The following AHR variants were observed in gnomAD, a reference collection of about 807,000 sequenced individuals.
The protein encoded by AHR is aryl hydrocarbon receptor.
In AHR, 40 loss-of-function variants were observed where a neutral mutation model predicts 86.8. That is an observed-to-expected ratio of 0.46 (90% CI 0.36 to 0.60). The LOEUF (loss-of-function observed/expected upper bound fraction) is 0.60, where lower values mean the gene tolerates loss of function less well. Among genes scored for constraint, AHR ranks in the 20% least tolerant of loss-of-function variants. AHR has a pLI of 0.00. For missense variants in AHR, 1,001 were observed against 1,011.6 expected (o/e 0.99, Z 0.14); for synonymous variants, 398 against 354.9 (o/e 1.12, Z -1.37).
At chr7:17,322,143 A>G (rs1442731096) in intron 2 of AHR, among the ~76,000 whole-genome samples, 1 of 152,032 alleles carries the variant, frequency 6.6e-6, no homozygotes, top group African/African-American at 2.4e-5. Flanking sequence ...TTAGTCTCCT[A>G]AGAAAGGAGG....
chr7:17,302,483 G>A (rs1468289319), intron 1 of AHR, among the ~76,000 whole-genome samples: 2 of 151,686 alleles, frequency 1.3e-5, no homozygotes. Context: ...TTTTAAAATA[G>A]CATCTAAAAT....
At chr7:17,307,951 AC>A (rs1453782279) in intron 1 of AHR, among the ~76,000 whole-genome samples, 2 of 152,098 alleles carry the variant, frequency 1.3e-5, no homozygotes. Context: ...CTGAAACATC[AC>A]ATCAGAGAGA....
intron 1 of AHR, among the ~76,000 whole-genome samples, chr7:17,306,227 G>A (rs781606863): frequency 7.2e-5 from 11 of 151,992 alleles, no homozygotes; most frequent in Non-Finnish European, 1.5e-4. Flanking sequence ...AAATATTAGC[G>A]TAATCCAAGT....
At position 17,314,805 on chromosome 7, in the gene AHR, A is replaced by T. The variant is rs186919173; in HGVS notation, c.253+4682A>T. On this transcript the variant is annotated intron_variant, in intron 2 of 10. Coordinates refer to ENST00000242057, the MANE Select transcript of AHR (RefSeq NM_001621.5). Reference sequence around the variant, plus strand: ...TCTATAATTTCATCTGCTTTGTTGTAATTTTAAAATTTCTGTGTGTCAAGT... The same window carrying T: ...TCTATAATTTCATCTGCTTTGTTGTTATTTTAAAATTTCTGTGTGTCAAGT... Among the ~76,000 whole-genome samples the T allele has an allele frequency of 5.9e-5, 9 of 152,124 alleles. No homozygotes were observed. The East Asian group carries it at 9.7e-4, about 16-fold the overall frequency.
intron 2 of AHR, among the ~76,000 whole-genome samples, chr7:17,313,053 G>T (rs1455865346): frequency 2.0e-5 from 3 of 152,094 alleles, no homozygotes; most frequent in Non-Finnish European, 4.4e-5. Flanking sequence ...TGTTATAGTG[G>T]TGTACATTCA....
intron 4 of AHR, 146 bp downstream of exon 4, chr7:17,327,994 A>G (rs1320559194): frequency 7.6e-6 from 2 of 263,132 alleles, no homozygotes; most frequent in Non-Finnish European, 1.4e-5. Context: ...ATTTTTTCTA[A>G]TATTAATAAT....
intron 9 of AHR, among the ~76,000 whole-genome samples, chr7:17,338,752 C>T (rs1782383346): frequency 6.6e-6 from 1 of 151,698 alleles, no homozygotes; most frequent in African/African-American, 2.4e-5. Context: ...AGGGATGTAA[C>T]CTGACCATGG....
chr7:17,301,356 T>A (rs138092550), intron 1 of AHR, among the ~76,000 whole-genome samples: 1 of 152,182 alleles, frequency 6.6e-6, no homozygotes, highest in East Asian at 1.9e-4. Context: ...AGTATTAAAT[T>A]TGAGTTTTAA....
At chr7:17,317,259 A>G (rs1326422508) in intron 2 of AHR, among the ~76,000 whole-genome samples, 1 of 151,576 alleles carries the variant, frequency 6.6e-6, no homozygotes, top group Non-Finnish European at 1.5e-5. Flanking sequence ...CCCTTTTGAT[A>G]TAATACATAA....
rs943891182 is a variant in AHR at position 17,343,256 on chromosome 7, C to G, written c.*192C>G. 3.1e-6 allele frequency: 2 copies of G among 648,460 alleles called. No individual in the cohort carries two copies. The highest frequency in any genetic ancestry group is 5.3e-6 in the Non-Finnish European group (2 of 379,322). The allele number at this position is 648,460 out of a possible 1,614,324, so 40.2% of individuals were successfully genotyped here. A position where few individuals can be genotyped will look rare whatever the true frequency, so the allele number is the denominator to read the frequency against. ...GAGTTTAAAAATGGTATCAAAATTA[C>G]ATATACTACAGTCAAGATAGAAAGG... On this transcript the variant is annotated 3_prime_UTR_variant, in exon 11 of 11. Coordinates refer to ENST00000242057, the MANE Select transcript of AHR (RefSeq NM_001621.5).
At chr7:17,326,405 G>A (rs373664529) in intron 3 of AHR, among the ~76,000 whole-genome samples, 1 of 152,052 alleles carries the variant, frequency 6.6e-6, no homozygotes, top group Admixed American at 6.6e-5. Context: ...TAAGCACTAG[G>A]GCAAAGACTT....
Position 17,339,182 on chromosome 7 carries a change from C to G in AHR, c.1357C>G (p.Pro453Ala). ...TSTLSKDSLN[P>A]SSLLAAMMQQ... ...CACTCTAAGCAAGGACTCTCTCAATCCTAGTTCCCTCCTGGCTGCCATGAT... is the reference window on the plus strand; with the variant it reads ...CACTCTAAGCAAGGACTCTCTCAATGCTAGTTCCCTCCTGGCTGCCATGAT... Residue 453 changes from proline (P) to alanine (A), a missense_variant, in exon 10 of 11, where the codon CCT (proline) becomes GCT (alanine). Coordinates refer to ENST00000242057, the MANE Select transcript of AHR (RefSeq NM_001621.5). 6.2e-7 allele frequency: 1 copy of G among 1,614,192 alleles called. No individual in the cohort carries two copies. Among genetic ancestry groups the G allele is most frequent in the Non-Finnish European group, 8.5e-7 (1 of 1,180,032 alleles).
intron 3 of AHR, among the ~76,000 whole-genome samples, chr7:17,326,273 G>A (rs1346909474): frequency 6.6e-6 from 1 of 152,172 alleles, no homozygotes; most frequent in Non-Finnish European, 1.5e-5. Context: ...GTTCTTAGAA[G>A]TATAATATAG....
chr7:17,333,194 T>A (rs1026290500), intron 6 of AHR, among the ~76,000 whole-genome samples: 1 of 151,934 alleles, frequency 6.6e-6, no homozygotes, highest in Non-Finnish European at 1.5e-5. Flanking sequence ...TCACAGAACA[T>A]GCCCCTTTTG....
Position 17,313,407 on chromosome 7 carries a change from C to T in AHR, c.253+3284C>T, listed in dbSNP as rs565408623. ...CAAACAGGGGGTGTGTAAATTCCTG[C>T]GGAAAGAACAATATAAACGAGTAAT... On this transcript the variant is annotated intron_variant, in intron 2 of 10. Transcript: ENST00000242057. 5.3e-5 allele frequency among the ~76,000 whole-genome samples: 8 copies of T among 152,034 alleles called. No individual in the cohort carries two copies. In the South Asian group the frequency reaches 1.7e-3, roughly 32 times the overall value.
rs1414050177 is a variant in AHR, at chr7:17,298,750, C to T, written c.-515C>T. ...CGTGTAGCCGAACGGAAGCTGGGAGCAGCCGGGACTGGTGGCCCGCGCCCG... is the reference window on the plus strand; with the variant it reads ...CGTGTAGCCGAACGGAAGCTGGGAGTAGCCGGGACTGGTGGCCCGCGCCCG... On this transcript the variant is annotated 5_prime_UTR_variant, in exon 1 of 11. Coordinates refer to ENST00000242057, the MANE Select transcript of AHR (RefSeq NM_001621.5). 5.0e-6 allele frequency: 2 copies of T among 397,764 alleles called. No homozygotes were observed. Among genetic ancestry groups the T allele is most frequent in the Non-Finnish European group, 8.9e-6 (2 of 225,610 alleles). The allele number at this position is 397,764 out of a possible 1,614,324, so 24.6% of individuals were successfully genotyped here.
chr7:17,341,809 G>C (rs1278383362), intron 10 of AHR, among the ~76,000 whole-genome samples: 1 of 152,056 alleles, frequency 6.6e-6, no homozygotes, highest in Non-Finnish European at 1.5e-5. Flanking sequence ...TTAATCTACT[G>C]TAGCCAAAAA....
intron 8 of AHR, 77 bp downstream of exon 8, chr7:17,335,073 T>A (rs1306773276): frequency 3.8e-6 from 4 of 1,049,990 alleles, no homozygotes; most frequent in Non-Finnish European, 5.8e-6. Flanking sequence ...TCTTACGTAA[T>A]GTAAAGTGTT....
Position 17,339,058 on chromosome 7 carries a change from T to C in AHR, c.1233T>C (p.Ala411=). The C allele has an allele frequency of 6.2e-7, 1 of 1,614,170 alleles. No individual in the cohort carries two copies. The highest frequency in any genetic ancestry group is 1.3e-5 in the African/African-American group (1 of 75,030). ...KLPFMFTTGE[A]VLYEATNPFP... ...CTTTTATGTTTACCACTGGAGAAGC[T>C]GTGTTGTATGAGGCAACCAACCCTT... Residue 411 remains alanine (A), a synonymous_variant, in exon 10 of 11, where the codon GCT becomes GCC. Transcript: ENST00000242057.
Sources: gnomAD v4.1 joint callset for allele counts (sites outside exome capture counted in the v4.1 genomes callset) on GRCh38, gnomAD v4.1.1 for gene constraint, MANE v1.5 for transcripts, NCBI Gene and HGNC (gene_info 2026-07-23, HGNC 2026-07-21) for gene names.